Variants in SLC38A1 observed in about 807,000 individuals in gnomAD.
SLC38A1 encodes the protein sodium-coupled neutral amino acid symporter 1.
In SLC38A1, 18 loss-of-function variants were observed where a neutral mutation model predicts 60.3. The ratio of observed to expected loss-of-function variants is 0.30; its 90% confidence interval spans 0.21 to 0.44. The LOEUF (loss-of-function observed/expected upper bound fraction) is 0.44, where lower values mean the gene tolerates loss of function less well. Among genes scored for constraint, SLC38A1 ranks in the 20% least tolerant of loss-of-function variants. SLC38A1 has a pLI of 1.00. For synonymous variants in SLC38A1, 196 were observed against 212.1 expected (o/e 0.92, Z 0.66); for missense variants, 448 against 587.2 (o/e 0.76, Z 2.45).
At chr12:46,248,346 C>T (rs1941699506) in intron 1 of SLC38A1, among the ~76,000 whole-genome samples, 2 of 152,008 alleles carry the variant, frequency 1.3e-5, no homozygotes, top group South Asian at 4.1e-4. Flanking sequence ...GGAAGATCTA[C>T]CAAGCAAATG....
intron 5 of SLC38A1, among the ~76,000 whole-genome samples, chr12:46,225,842 A>G (rs1193361366): frequency 6.6e-6 from 1 of 152,226 alleles, no homozygotes; most frequent in East Asian, 1.9e-4. Flanking sequence ...GGATACAAAC[A>G]GCAAAATCCA....
Position 46,247,480 on chromosome 12 carries a change from AGAG to A in SLC38A1, c.-208-4169_-208-4167del, listed in dbSNP as rs560603963. On this transcript the variant is annotated intron_variant, in intron 1 of 16. Coordinates refer to ENST00000398637, the MANE Select transcript of SLC38A1 (RefSeq NM_030674.4). ...TGAAATAAAGTGAGAAGAGAAGTTT[AGAG>A]GAAAAACAGGAAAAAGAAATGAACA... 3.3e-3 allele frequency among the ~76,000 whole-genome samples: 499 copies of A among 152,348 alleles called. 3 individuals are homozygous for A. Among genetic ancestry groups the A allele is most frequent in the African/African-American group, 0.011 (477 of 41,576 alleles).
At chr12:46,207,280 T>C (rs1939951473) in intron 7 of SLC38A1, 44 bp from the exon 8 acceptor site, 1 of 1,509,194 alleles carries the variant, frequency 6.6e-7, no homozygotes, top group Non-Finnish European at 9.2e-7. Context: ...ATACGAAGGC[T>C]TATGTTGCAA....
rs140143218 is a variant in SLC38A1 at position 46,231,045 on chromosome 12, C to T, written c.123-1406G>A. On this transcript the variant is annotated intron_variant, in intron 3 of 16. Coordinates refer to ENST00000398637, the MANE Select transcript of SLC38A1 (RefSeq NM_030674.4). Reference sequence around the variant, plus strand: ...CACCATAGCAAAGTCATGGAATCAACCTAAGTGTCCATCAACAGATGACTA... The same window carrying T: ...CACCATAGCAAAGTCATGGAATCAATCTAAGTGTCCATCAACAGATGACTA... Among the ~76,000 whole-genome samples, 276 of 152,266 alleles carry T rather than the reference C, an allele frequency of 1.8e-3. 3 individuals carry two copies. Among genetic ancestry groups the T allele is most frequent in the African/African-American group, 6.1e-3 (254 of 41,548 alleles).
rs11554573 is a variant in SLC38A1, at chr12:46,185,481, T to G, written c.*3489A>C. 6.6e-6 allele frequency: 1 copy of G among 151,934 alleles called. No individual in the cohort carries two copies. The highest frequency in any genetic ancestry group is 1.5e-5 in the Non-Finnish European group (1 of 67,996). 9.4% of individuals were successfully genotyped at this position (151,934 alleles called of 1,614,324 possible). ...GAAAGTGGGTGGAGAGGTTTTTTTT[T>G]CCCCCTTTTTTCTTGTTTTCTAACC... On this transcript the variant is annotated 3_prime_UTR_variant, in exon 17 of 17. Coordinates refer to ENST00000398637, the MANE Select transcript of SLC38A1 (RefSeq NM_030674.4).
rs1426522303 is a variant in SLC38A1 at position 46,185,285 on chromosome 12, C to G, written c.*3685G>C. 1 of 151,642 alleles carries G rather than the reference C, an allele frequency of 6.6e-6. No individual in the cohort carries two copies. The highest frequency in any genetic ancestry group is 2.4e-5 in the African/African-American group (1 of 40,928). 9.4% of individuals were successfully genotyped at this position (151,642 alleles called of 1,614,324 possible). ...GGGGCCACACTTTGAGAACCACTGG[C>G]TTAGAGGCATGAATCAAGCTCTAGA... On this transcript the variant is annotated 3_prime_UTR_variant, in exon 17 of 17. Coordinates refer to ENST00000398637, the MANE Select transcript of SLC38A1 (RefSeq NM_030674.4).
chr12:46,190,028 G>T (rs778564566), intron 16 of SLC38A1, among the ~76,000 whole-genome samples: 3 of 151,958 alleles, frequency 2.0e-5, no homozygotes, highest in Non-Finnish European at 2.9e-5. Flanking sequence ...ATGTTGGTTT[G>T]CTGCACCCAT....
chr12:46,211,533 G>T (rs945811929), intron 5 of SLC38A1, among the ~76,000 whole-genome samples: 1 of 152,180 alleles, frequency 6.6e-6, no homozygotes, highest in African/African-American at 2.4e-5. Context: ...GCAACCACGC[G>T]GTTCTTGCAC....
chr12:46,212,003 A>G (rs1340953139), intron 5 of SLC38A1, among the ~76,000 whole-genome samples: 1 of 152,242 alleles, frequency 6.6e-6, no homozygotes, highest in Admixed American at 6.5e-5. Context: ...AATAGGATTA[A>G]AATTTAGAAA....
At chr12:46,199,378 C>T (rs1370327676) in intron 13 of SLC38A1, among the ~76,000 whole-genome samples, 2 of 150,432 alleles carry the variant, frequency 1.3e-5, no homozygotes, top group Non-Finnish European at 3.0e-5. Flanking sequence ...GGGTTTTGCT[C>T]TATCACCCAG....
At chr12:46,249,193 G>A (rs138376824) in intron 1 of SLC38A1, among the ~76,000 whole-genome samples, 3,359 of 137,940 alleles carry the variant, frequency 0.024, 59 homozygotes, top group Admixed American at 0.032. Context: ...ACTCAAAACC[G>A]CACAACTACA....
chr12:46,255,893 GT>G (rs376256912), intron 1 of SLC38A1, among the ~76,000 whole-genome samples: 12 of 152,190 alleles, frequency 7.9e-5, no homozygotes, highest in African/African-American at 2.9e-4. Flanking sequence ...GCTGGGTGTG[GT>G]GGCTCAAGCC....
intron 5 of SLC38A1, among the ~76,000 whole-genome samples, chr12:46,222,101 G>A (rs995662136): frequency 1.3e-5 from 2 of 152,152 alleles, no homozygotes; most frequent in East Asian, 1.9e-4. Flanking sequence ...AGCATTGACA[G>A]AGTCCTCATT....
intron 12 of SLC38A1, among the ~76,000 whole-genome samples, chr12:46,201,799 C>T (rs1432142811): frequency 1.3e-5 from 2 of 151,200 alleles, no homozygotes; most frequent in Admixed American, 1.3e-4. Context: ...AACAATTAAT[C>T]TGCAACACTT....
In SLC38A1 at chr12:46,188,477, A is replaced by C. The variant is rs1412329043; in HGVS notation, c.*493T>G. On this transcript the variant is annotated 3_prime_UTR_variant, in exon 17 of 17. Transcript: ENST00000398637. ...ATTATCTCCATGTGCTATGTTAACC[A>C]AAATAGGCAAATTATTTACGAAACC... The C allele has an allele frequency of 1.3e-5, 2 of 153,296 alleles. No homozygotes were observed. Among genetic ancestry groups the C allele is most frequent in the East Asian group, 3.8e-4 (2 of 5,222 alleles). The allele number at this position is 153,296 out of a possible 1,614,324, so 9.5% of individuals were successfully genotyped here.
intron 16 of SLC38A1, among the ~76,000 whole-genome samples, chr12:46,193,137 G>A (rs886084513): frequency 6.6e-6 from 1 of 152,140 alleles, no homozygotes; most frequent in Non-Finnish European, 1.5e-5. Flanking sequence ...TTGCGTCTTG[G>A]TTCTCATTGG....
chr12:46,198,103 T>C (rs1169230633), intron 14 of SLC38A1, 43 bp from the exon 15 acceptor site: 3 of 1,598,792 alleles, frequency 1.9e-6, no homozygotes, highest in Admixed American at 1.7e-5. Flanking sequence ...GCCTACAGCA[T>C]GCCAACATTG....
chr12:46,192,983 T>A (rs1188956280), intron 16 of SLC38A1, among the ~76,000 whole-genome samples: 1 of 152,148 alleles, frequency 6.6e-6, no homozygotes, highest in Non-Finnish European at 1.5e-5. Flanking sequence ...GCTTTTGAAT[T>A]TGTTTGCTTT....
Position 46,231,154 on chromosome 12 carries a change from G to A in SLC38A1, c.123-1515C>T, listed in dbSNP as rs558179989. 5.9e-5 allele frequency among the ~76,000 whole-genome samples: 9 copies of A among 152,192 alleles called. No individual in the cohort carries two copies. In the South Asian group the frequency reaches 1.9e-3, roughly 32 times the overall value. On this transcript the variant is annotated intron_variant, in intron 3 of 16. Coordinates refer to ENST00000398637, the MANE Select transcript of SLC38A1 (RefSeq NM_030674.4). ...ATAAAATCATGTCTTTTGCAGCAACGTGGGTAGAGCTGAAGGTCTATATGA... is the reference window on the plus strand; with the variant it reads ...ATAAAATCATGTCTTTTGCAGCAACATGGGTAGAGCTGAAGGTCTATATGA...
Sources: gnomAD v4.1 joint callset for allele counts (sites outside exome capture counted in the v4.1 genomes callset) on GRCh38, gnomAD v4.1.1 for gene constraint, MANE v1.5 for transcripts, NCBI Gene and HGNC (gene_info 2026-07-23, HGNC 2026-07-21) for gene names.